The following SLC44A5 variants were observed in gnomAD, a reference collection of about 807,000 sequenced individuals.
SLC44A5 encodes the protein solute carrier family 44 member 5.
A neutral mutation model predicts 101.8 loss-of-function variants in SLC44A5; 57 were observed. The observed-to-expected ratio is 0.56, with a 90% CI of 0.45 to 0.70. The LOEUF (loss-of-function observed/expected upper bound fraction) is 0.70. Among genes scored for constraint, SLC44A5 ranks in the 30% least tolerant of loss-of-function variants. SLC44A5 has a pLI of 0.00. For missense variants in SLC44A5, 737 were observed against 853.1 expected (o/e 0.86, Z 1.70); for synonymous variants, 281 against 290.9 (o/e 0.97, Z 0.35).
At position 75,350,438 on chromosome 1, in the gene SLC44A5, T is replaced by C. The variant is rs149944570; in HGVS notation, c.53-10808A>G. 1.8e-3 allele frequency among the ~76,000 whole-genome samples: 267 copies of C among 151,948 alleles called. 3 individuals carry two copies. The highest frequency in any genetic ancestry group is 5.9e-3 in the African/African-American group (243 of 41,402). On this transcript the variant is annotated intron_variant, in intron 3 of 23. Transcript: ENST00000370859. Reference sequence around the variant, plus strand: ...ACCCAGTCTATACAGTATTATGTTATAGCAGCCTGAGTAGGCTAAGAAATA... The same window carrying C: ...ACCCAGTCTATACAGTATTATGTTACAGCAGCCTGAGTAGGCTAAGAAATA...
At chr1:75,295,919 G>A (rs74096612) in intron 5 of SLC44A5, among the ~76,000 whole-genome samples, 1,770 of 152,228 alleles carry the variant, frequency 0.012, 30 homozygotes, top group African/African-American at 0.04. Context: ...AGATGTGACT[G>A]TATTATTGCC....
At chr1:75,615,460 C>T (rs1000929972), upstream of SLC44A5, among the ~76,000 whole-genome samples, 2 of 151,260 alleles carry the variant, frequency 1.3e-5, no homozygotes, top group African/African-American at 2.4e-5. Context: ...CACACACACA[C>T]ACACACACAC....
rs181258015 is a variant in SLC44A5 at position 75,332,253 on chromosome 1, A to T, written c.101+7329T>A. Among the ~76,000 whole-genome samples, 172 of 152,312 alleles carry T rather than the reference A, an allele frequency of 1.1e-3. 2 individuals are homozygous for T. The highest frequency in any genetic ancestry group is 1.4e-3 in the Non-Finnish European group (95 of 68,010). Reference sequence around the variant, plus strand: ...TATAATCCACTATGTTTTTCTTTTTATATTGACATGTAGGAAGCCCACTGA... The same window carrying T: ...TATAATCCACTATGTTTTTCTTTTTTTATTGACATGTAGGAAGCCCACTGA... On this transcript the variant is annotated intron_variant, in intron 4 of 23. Transcript: ENST00000370859.
chr1:75,478,276 C>A (rs948732507), intron 2 of SLC44A5, among the ~76,000 whole-genome samples: 26 of 152,000 alleles, frequency 1.7e-4, no homozygotes, highest in African/African-American at 5.3e-4. Flanking sequence ...AAGGAACAAC[C>A]AGTACCAGCC....
Position 75,444,064 on chromosome 1 carries a change from C to G in SLC44A5, c.14-47443G>C, listed in dbSNP as rs534701331. Reference sequence around the variant, plus strand: ...AGGCATGGTGGCTCATGCCTGTAATCCCAGCTCTTTGGGAGGCTGAGGTGG... The same window carrying G: ...AGGCATGGTGGCTCATGCCTGTAATGCCAGCTCTTTGGGAGGCTGAGGTGG... On this transcript the variant is annotated intron_variant, in intron 2 of 23. Transcript: ENST00000370859. Among the ~76,000 whole-genome samples, 47 of 151,870 alleles carry G rather than the reference C, an allele frequency of 3.1e-4. No individual in the cohort carries two copies. The South Asian group carries it at 9.6e-3, about 31-fold the overall frequency.
chr1:75,486,804 C>T (rs1280879364), intron 2 of SLC44A5, among the ~76,000 whole-genome samples: 1 of 152,168 alleles, frequency 6.6e-6, no homozygotes, highest in Non-Finnish European at 1.5e-5. Flanking sequence ...TAGAAAAAAG[C>T]TTTCATTTTC....
At chr1:75,360,750 CTT>C (rs1282038026) in intron 3 of SLC44A5, among the ~76,000 whole-genome samples, 1 of 152,072 alleles carries the variant, frequency 6.6e-6, no homozygotes, top group African/African-American at 2.4e-5. Flanking sequence ...GGTGCAATGT[CTT>C]TGGCTTTGTT....
At chr1:75,374,258 G>T (rs768561487) in intron 3 of SLC44A5, among the ~76,000 whole-genome samples, 4 of 152,152 alleles carry the variant, frequency 2.6e-5, no homozygotes, top group Non-Finnish European at 5.9e-5. Flanking sequence ...CTGAATACCT[G>T]TGGTACCACC....
chr1:75,251,441 C>G lies in SLC44A5; in HGVS notation c.261-147G>C. 5.0e-6 allele frequency: 3 copies of G among 599,016 alleles called. No individual in the cohort carries two copies. The South Asian group carries it at 6.5e-5, about 13-fold the overall frequency. 37.1% of individuals were successfully genotyped at this position (599,016 alleles called of 1,614,324 possible). A position where few individuals can be genotyped will look rare whatever the true frequency, so the allele number is the denominator to read the frequency against. On this transcript the variant is annotated intron_variant, in intron 6 of 23. Coordinates refer to ENST00000370859, the MANE Select transcript of SLC44A5 (RefSeq NM_001130058.2). ...ATATATTCTCCCTCTCCCTTAGGTA[C>G]CTAACCTTTAAAGTATCTTTTTTTT...
intron 2 of SLC44A5, among the ~76,000 whole-genome samples, chr1:75,498,711 A>G (rs542704279): frequency 1.3e-5 from 2 of 152,330 alleles, no homozygotes; most frequent in African/African-American, 4.8e-5. Flanking sequence ...TGTTTTTTAA[A>G]TCAGCAGGCA....
intron 5 of SLC44A5, among the ~76,000 whole-genome samples, chr1:75,290,992 C>T (rs12093425): frequency 0.012 from 1,839 of 152,276 alleles, 30 homozygotes; most frequent in African/African-American, 0.042. Flanking sequence ...TGGGACAAAG[C>T]ATATCCTTAA....
intron 4 of SLC44A5, among the ~76,000 whole-genome samples, chr1:75,301,841 C>T (rs191979484): frequency 6.6e-6 from 1 of 152,238 alleles, no homozygotes; most frequent in Non-Finnish European, 1.5e-5. Flanking sequence ...CAACGCCAAA[C>T]CTTTTTCACT....
chr1:75,356,645 A>G (rs891391724), intron 3 of SLC44A5, among the ~76,000 whole-genome samples: 1 of 152,148 alleles, frequency 6.6e-6, no homozygotes, highest in Admixed American at 6.6e-5. Context: ...ATACAGTAGT[A>G]TCCTAATATA....
chr1:75,537,034 A>AAAAAAAG (rs1553199990), intron 2 of SLC44A5, among the ~76,000 whole-genome samples: 731 of 18,630 alleles, frequency 0.039, 53 homozygotes, highest in Middle Eastern at 0.083. Flanking sequence ...AAAAAAAAAA[A>AAAAAAAG]TATATATCTA....
chr1:75,668,052 T>G, the SLC44A5 span, among the ~76,000 whole-genome samples: 1 of 152,186 alleles, frequency 6.6e-6, no homozygotes, highest in South Asian at 2.1e-4. Context: ...TCCAAATAAT[T>G]TGCCATTTGT....
chr1:75,438,324 A>G (rs1665003760), intron 2 of SLC44A5, among the ~76,000 whole-genome samples: 1 of 152,098 alleles, frequency 6.6e-6, no homozygotes, highest in African/African-American at 2.4e-5. Flanking sequence ...GGTTTCCAGA[A>G]ATGGCAAACT....
At chr1:75,335,193 T>C (rs1657351201) in intron 4 of SLC44A5, among the ~76,000 whole-genome samples, 1 of 152,224 alleles carries the variant, frequency 6.6e-6, no homozygotes, top group Non-Finnish European at 1.5e-5. Flanking sequence ...ATAAACTCTC[T>C]GCTGAGCCAA....
intron 4 of SLC44A5, among the ~76,000 whole-genome samples, chr1:75,320,443 C>T (rs1656055068): frequency 6.6e-6 from 1 of 152,112 alleles, no homozygotes; most frequent in African/African-American, 2.4e-5. Context: ...AAATACAACA[C>T]ACCATTTATT....
chr1:75,717,207 G>T, the SLC44A5 span, among the ~76,000 whole-genome samples: 1 of 151,924 alleles, frequency 6.6e-6, no homozygotes, highest in Non-Finnish European at 1.5e-5. Context: ...CCAGCGCTGT[G>T]GCTCATGCCT....
Sources: allele counts gnomAD v4.1 joint callset (sites outside exome capture counted in the v4.1 genomes callset), GRCh38; gene constraint gnomAD v4.1.1; transcripts MANE v1.5; gene names NCBI Gene and HGNC (gene_info 2026-07-23, HGNC 2026-07-21).